Variants in HHAT observed in about 807,000 individuals in gnomAD.
HHAT encodes the protein protein-cysteine N-palmitoyltransferase HHAT.
A neutral mutation model predicts 70.8 loss-of-function variants in HHAT; 47 were observed. The observed-to-expected ratio is 0.66, with a 90% CI of 0.53 to 0.85. The LOEUF (loss-of-function observed/expected upper bound fraction) is 0.85. Among genes scored for constraint, HHAT ranks in the 40% least tolerant of loss-of-function variants. The pLI, the probability that HHAT is intolerant of heterozygous loss-of-function variation, is 0.00. For synonymous variants in HHAT, 228 were observed against 247.6 expected (o/e 0.92, Z 0.74); for missense variants, 609 against 604.8 (o/e 1.01, Z -0.07).
intron 8 of HHAT, among the ~76,000 whole-genome samples, chr1:210,491,063 T>TAG (rs145981858): frequency 4.6e-4 from 67 of 146,818 alleles, no homozygotes; most frequent in African/African-American, 8.2e-4. Flanking sequence ...CACACACACA[T>TAG]AGTGTGTGTG....
intron 9 of HHAT, among the ~76,000 whole-genome samples, chr1:210,535,133 A>G (rs1176786508): frequency 6.6e-6 from 1 of 152,164 alleles, no homozygotes. Context: ...GGCAAAGACA[A>G]TGAATCCCAG....
intron 3 of HHAT, chr1:210,374,248 A>G (rs570979377): frequency 1.4e-5 from 2 of 142,378 alleles, no homozygotes; most frequent in East Asian, 1.9e-4. Flanking sequence ...GATTTATTCG[A>G]TCTGAAGAGA....
chr1:210,447,247 C>T (rs916997421), intron 7 of HHAT, among the ~76,000 whole-genome samples: 15 of 152,138 alleles, frequency 9.9e-5, no homozygotes, highest in Admixed American at 2.6e-4. Context: ...AGAGGAATAG[C>T]TGTGACAGTA....
chr1:210,537,129 A>C (rs935399990), intron 9 of HHAT, among the ~76,000 whole-genome samples: 1 of 152,110 alleles, frequency 6.6e-6, no homozygotes, highest in African/African-American at 2.4e-5. Context: ...TGTCTAGAAA[A>C]CACTGAGAAA....
intron 9 of HHAT, among the ~76,000 whole-genome samples, chr1:210,567,065 C>A (rs868285493): frequency 1.2e-4 from 19 of 152,222 alleles, no homozygotes; most frequent in Non-Finnish European, 2.1e-4. Context: ...CTGTGCCCCC[C>A]CTCCAATAAG....
intron 8 of HHAT, among the ~76,000 whole-genome samples, chr1:210,504,902 C>CTTTTTT (rs71571952): frequency 1.6e-5 from 2 of 124,534 alleles, no homozygotes; most frequent in African/African-American, 3.0e-5. Flanking sequence ...GCTTTTTATT[C>CTTTTTT]TTTTTTTTTT....
chr1:210,392,051 T>TAG (rs1219785853), intron 4 of HHAT, among the ~76,000 whole-genome samples: 3 of 152,176 alleles, frequency 2.0e-5, no homozygotes, highest in African/African-American at 7.2e-5. Context: ...AAACTTTTTG[T>TAG]AGAGACGAGA....
chr1:210,544,018 G>GGT (rs2095457696), intron 9 of HHAT, among the ~76,000 whole-genome samples: 1 of 152,206 alleles, frequency 6.6e-6, no homozygotes, highest in African/African-American at 2.4e-5. Context: ...CAGGTGGCCT[G>GGT]TGAGCTGTCT....
chr1:210,327,608 C>G (rs912961631), upstream of HHAT, among the ~76,000 whole-genome samples: 9 of 152,090 alleles, frequency 5.9e-5, no homozygotes, highest in South Asian at 1.9e-3. Context: ...CGGGTTCAAG[C>G]GATTCTCGTG....
At chr1:210,588,705 A>G (rs959705133) in intron 10 of HHAT, 9 of 152,608 alleles carry the variant, frequency 5.9e-5, no homozygotes, top group Non-Finnish European at 1.2e-4. Flanking sequence ...CTCATCTTTA[A>G]TGTTCATTAT....
intron 10 of HHAT, among the ~76,000 whole-genome samples, chr1:210,601,118 T>TGTG (rs1476963128): frequency 6.6e-6 from 1 of 151,982 alleles, no homozygotes; most frequent in South Asian, 2.1e-4. Flanking sequence ...CCAAAGACTC[T>TGTG]GTGGTGGTGG....
chr1:210,352,491 G>A (rs1425469916), intron 2 of HHAT, among the ~76,000 whole-genome samples: 1 of 152,016 alleles, frequency 6.6e-6, no homozygotes, highest in African/African-American at 2.4e-5. Flanking sequence ...ACTTTTTTAG[G>A]GCATTCATGT....
chr1:210,401,754 C>T (rs996431423), intron 5 of HHAT, among the ~76,000 whole-genome samples: 1 of 152,192 alleles, frequency 6.6e-6, no homozygotes, highest in African/African-American at 2.4e-5. Flanking sequence ...GGATGACAGA[C>T]AGACTGCCTT....
At chr1:210,546,690 A>G (rs12034950) in intron 9 of HHAT, among the ~76,000 whole-genome samples, 10,930 of 152,060 alleles carry the variant, frequency 0.072, 728 homozygotes, top group East Asian at 0.3. Context: ...TGGAGAGCGT[A>G]TGGCAGCTGG....
intron 9 of HHAT, among the ~76,000 whole-genome samples, chr1:210,573,135 A>G (rs60481930): frequency 0.013 from 1,964 of 152,278 alleles, 34 homozygotes; most frequent in African/African-American, 0.042. Context: ...AAGAGCATCT[A>G]TGCTTATGTC....
chr1:210,660,312 C>T (rs559399721), intron 11 of HHAT, among the ~76,000 whole-genome samples: 33 of 152,306 alleles, frequency 2.2e-4, no homozygotes, highest in African/African-American at 7.7e-4. Flanking sequence ...CTCCCATTCA[C>T]AATTGCTTCA....
chr1:210,446,416 G>A (rs748029183), intron 7 of HHAT, among the ~76,000 whole-genome samples: 2 of 152,194 alleles, frequency 1.3e-5, no homozygotes, highest in African/African-American at 2.4e-5. Context: ...ATAATGGGAC[G>A]ATCAGGACTT....
chr1:210,376,437 A>C (rs915624524), intron 3 of HHAT, among the ~76,000 whole-genome samples: 3 of 152,150 alleles, frequency 2.0e-5, no homozygotes, highest in African/African-American at 7.2e-5. Context: ...TGTGTACTAT[A>C]TCTTGTCTGA....
chr1:210,577,181 T>A (rs1402794005), intron 9 of HHAT, among the ~76,000 whole-genome samples: 1 of 152,170 alleles, frequency 6.6e-6, no homozygotes, highest in Non-Finnish European at 1.5e-5. Flanking sequence ...TATTTATTTT[T>A]CTTGTCTGAT....
Sources: allele counts gnomAD v4.1 joint callset (sites outside exome capture counted in the v4.1 genomes callset), GRCh38; gene constraint gnomAD v4.1.1; transcripts MANE v1.5; gene names NCBI Gene and HGNC (gene_info 2026-07-23, HGNC 2026-07-21).